The following SLC6A16 variants were observed in gnomAD, a reference collection of about 807,000 sequenced individuals.
SLC6A16 encodes the protein orphan sodium- and chloride-dependent neurotransmitter transporter NTT5.
Under a neutral mutation model 65.4 loss-of-function variants are expected in SLC6A16, and 54 were observed. The observed-to-expected ratio is 0.83, with a 90% confidence interval of 0.66 to 1.04. SLC6A16 has a LOEUF of 1.04. Ranked by LOEUF, SLC6A16 falls within the 50% of genes least tolerant of loss-of-function variation. The pLI, the probability that SLC6A16 is intolerant of heterozygous loss-of-function variation, is 0.00. For synonymous variants in SLC6A16, 330 were observed against 346.5 expected (o/e 0.95, Z 0.53); for missense variants, 816 against 914.0 (o/e 0.89, Z 1.38).
At chr19:49,335,847 C>A in the SLC6A16 span, 7 of 1,399,014 alleles carry the variant, frequency 5.0e-6, no homozygotes, top group Non-Finnish European at 7.1e-6. This position sits in a 1 kb window ranked among gnomAD's most constrained non-coding sequence, Gnocchi z 4.6. Flanking sequence ...CCTGGGGTCT[C>A]CCTTGTCTCA....
intron 9 of SLC6A16, 57 bp downstream of exon 9, chr19:49,293,770 T>A (rs1970126687): frequency 1.3e-6 from 2 of 1,484,176 alleles, no homozygotes; most frequent in Admixed American, 1.7e-5. Flanking sequence ...AAAAAAAGAG[T>A]CCCAGTGGTG....
chr19:49,309,907 C>A, intron 4 of SLC6A16, 81 bp from the exon 5 acceptor site: 1 of 1,482,180 alleles, frequency 6.7e-7, no homozygotes, highest in Non-Finnish European at 9.3e-7. Context: ...CCTCCCTTTT[C>A]TCTTTCCCTC....
chr19:49,313,976 G>T (rs1970572515), intron 1 of SLC6A16, among the ~76,000 whole-genome samples: 1 of 151,798 alleles, frequency 6.6e-6, no homozygotes, highest in African/African-American at 2.4e-5. Context: ...GGCGCCTGTA[G>T]TCCCAGCTAC....
intron 1 of SLC6A16, among the ~76,000 whole-genome samples, chr19:49,318,156 C>T (rs961716290): frequency 6.6e-6 from 1 of 152,010 alleles, no homozygotes; most frequent in African/African-American, 2.4e-5. Context: ...TAGTATGAAA[C>T]CTCATAAGAA....
In SLC6A16 at chr19:49,309,657, A is replaced by G. The variant is rs374782729; in HGVS notation, c.870T>C (p.Thr290=). ...TCCAATACTGGTGGCTCACCTTCCC[A>G]GTGGACTTGAGCCCATTGATCATGA... ...GAFMINGLKS[T]GKVIYVLVLL... The change falls in exon 5 of 12, where the codon ACT becomes ACC. Residue 290 remains threonine, a synonymous_variant. Transcript: ENST00000335875. The G allele has an allele frequency of 6.2e-7, 1 of 1,612,676 alleles. No individual in the cohort carries two copies. The highest frequency in any genetic ancestry group is 1.3e-5 in the African/African-American group (1 of 74,902).
chr19:49,318,722 A>C (rs76163701), intron 1 of SLC6A16, among the ~76,000 whole-genome samples: 1 of 152,188 alleles, frequency 6.6e-6, no homozygotes, highest in African/African-American at 2.4e-5. Flanking sequence ...AGACAGATAG[A>C]TATTTTCTCT....
the SLC6A16 span, chr19:49,340,009 G>A: frequency 6.8e-7 from 1 of 1,460,118 alleles, no homozygotes; most frequent in Admixed American, 2.3e-5. Flanking sequence ...AAAGGACCCT[G>A]GGCTTGCTTC....
At chr19:49,304,539 G>T (rs1455251832) in intron 7 of SLC6A16, among the ~76,000 whole-genome samples, 2 of 152,170 alleles carry the variant, frequency 1.3e-5, no homozygotes, top group Non-Finnish European at 2.9e-5. Flanking sequence ...GCTGAGGTGG[G>T]CGGATCACCT....
the SLC6A16 span, chr19:49,338,735 G>A: frequency 6.2e-7 from 1 of 1,613,024 alleles, no homozygotes; most frequent in Non-Finnish European, 8.5e-7. This position sits in a 1 kb window ranked among gnomAD's most constrained non-coding sequence, Gnocchi z 5.0. Flanking sequence ...CGCAGGACTG[G>A]TTCCAAGTCC....
chr19:49,303,652 C>CA (rs59791436), intron 7 of SLC6A16, among the ~76,000 whole-genome samples: 2,293 of 87,782 alleles, frequency 0.026, 60 homozygotes, highest in African/African-American at 0.09. Context: ...GAGACTGTCT[C>CA]AAAAAAAAAA....
At chr19:49,296,435 G>T (rs1397017984) in intron 7 of SLC6A16, among the ~76,000 whole-genome samples, 1 of 152,050 alleles carries the variant, frequency 6.6e-6, no homozygotes, top group Non-Finnish European at 1.5e-5. Flanking sequence ...GGGAGGTATT[G>T]GTGTAAAAAA....
chr19:49,339,458 G>C, the SLC6A16 span: 1 of 1,581,444 alleles, frequency 6.3e-7, no homozygotes, highest in Non-Finnish European at 8.7e-7. The surrounding 1 kb of genome is among the most constrained non-coding windows in gnomAD (Gnocchi z 4.5). Flanking sequence ...TAAATCCCTA[G>C]ATGGCCCTGC....
the SLC6A16 span, among the ~76,000 whole-genome samples, chr19:49,334,087 C>T: frequency 6.6e-6 from 1 of 150,822 alleles, no homozygotes. Context: ...CTTTCACTTC[C>T]CCAGGTACCC....
At chr19:49,335,559 T>C in the SLC6A16 span, 1 of 1,614,048 alleles carries the variant, frequency 6.2e-7, no homozygotes, top group East Asian at 2.2e-5. This position sits in a 1 kb window ranked among gnomAD's most constrained non-coding sequence, Gnocchi z 4.6. Flanking sequence ...CCAGGAGAGC[T>C]GCCTCAGCCT....
intron 1 of SLC6A16, among the ~76,000 whole-genome samples, chr19:49,319,258 T>C (rs1455651549): frequency 2.0e-5 from 3 of 151,778 alleles, no homozygotes; most frequent in Non-Finnish European, 4.4e-5. Flanking sequence ...AAAGGGAGGA[T>C]GGGAAAATGA....
the SLC6A16 span, chr19:49,339,513 G>A: frequency 6.6e-7 from 1 of 1,508,714 alleles, no homozygotes. This position sits in a 1 kb window ranked among gnomAD's most constrained non-coding sequence, Gnocchi z 4.5. Context: ...ACGAGCTCAG[G>A]GCGGAGCGCA....
chr19:49,296,686 G>A (rs1970193078), intron 7 of SLC6A16, among the ~76,000 whole-genome samples: 1 of 152,070 alleles, frequency 6.6e-6, no homozygotes, highest in African/African-American at 2.4e-5. Context: ...TAAAACACAG[G>A]AGAAAAATCT....
chr19:49,309,008 T>C lies in SLC6A16; in HGVS notation c.1097A>G (p.Gln366Arg). 1 of 1,614,186 alleles carries C rather than the reference T, an allele frequency of 6.2e-7. No individual in the cohort carries two copies. Among genetic ancestry groups the C allele is most frequent in the Non-Finnish European group, 8.5e-7 (1 of 1,180,024 alleles). Residue 366 changes from glutamine (Q) to arginine (R), a missense_variant, in exon 7 of 12, where the codon CAG becomes CGG. Coordinates refer to ENST00000335875, the MANE Select transcript of SLC6A16 (RefSeq NM_014037.3). ...GGCATCACTGAGACAGTTGTTGGACTGGGGCATGTAGGAGGCTAAGGAGGC... is the reference window on the plus strand; with the variant it reads ...GGCATCACTGAGACAGTTGTTGGACCGGGGCATGTAGGAGGCTAAGGAGGC... Reference protein sequence around the residue: ...SVASLASYMPQSNNCLSDAFL... With the variant: ...SVASLASYMPRSNNCLSDAFL...
rs754149802 is a variant in SLC6A16 at position 49,310,358 on chromosome 19, A to G, written c.568T>C (p.Phe190Leu). The G allele has an allele frequency of 2.5e-6, 4 of 1,613,954 alleles. No individual in the cohort carries two copies. In the Admixed American group the frequency reaches 5.0e-5, roughly 20 times the overall value. Residue 190 changes from phenylalanine (F) to leucine (L), a missense_variant, in exon 3 of 12, where the codon TTC becomes CTC. Transcript: ENST00000335875. ...GGCAGCCATGGGCTCCTCACCATGA[A>G]GCTAGAATACCCCACACCACCAATC... Reference protein sequence around the residue: ...PWIGGVGYSSFMVCFILGLYF... With the variant: ...PWIGGVGYSSLMVCFILGLYF...
Sources: allele counts gnomAD v4.1 joint callset (sites outside exome capture counted in the v4.1 genomes callset), GRCh38; gene constraint gnomAD v4.1.1; non-coding constraint Gnocchi (gnomAD v3.1); transcripts MANE v1.5; gene names NCBI Gene and HGNC (gene_info 2026-07-23, HGNC 2026-07-21).